Variants in KAT2A observed in about 807,000 individuals in gnomAD.
KAT2A encodes the protein lysine acetyltransferase 2A, also known as histone acetyltransferase KAT2A.
In KAT2A, 42 loss-of-function variants were observed where a neutral mutation model predicts 95.2. That is an observed-to-expected ratio of 0.44 (90% confidence interval 0.34 to 0.57). The LOEUF is 0.57. Among genes scored for constraint, KAT2A ranks in the 20% least tolerant of loss-of-function variants. KAT2A has a pLI of 0.01. For missense variants in KAT2A, 784 were observed against 1,126.3 expected (o/e 0.70, Z 4.35); for synonymous variants, 449 against 448.2 (o/e 1.00, Z -0.02).
rs2054333219 is a variant in KAT2A, at chr17:42,121,169, G to A, written c.136C>T (p.Pro46Ser). 6 of 1,419,788 alleles carry A rather than the reference G, an allele frequency of 4.2e-6. No individual in the cohort carries two copies. The highest frequency in any genetic ancestry group is 2.7e-5 in the South Asian group (2 of 73,026). The allele number at this position is 1,419,788 out of a possible 1,614,324, so 87.9% of individuals were successfully genotyped here. A position where few individuals can be genotyped will look rare whatever the true frequency, so the allele number is the denominator to read the frequency against. Residue 46 changes from proline to serine, a missense_variant, in exon 1 of 18, where the codon CCA becomes TCA. Physicochemically the swap from Pro to Ser is moderately conservative, Grantham distance 74 (BLOSUM62 -1). Around this residue, in one of 6 missense-constraint regions of KAT2A, gnomAD observed 142 missense variants for 123.2 expected, o/e 1.15. Coordinates refer to ENST00000225916, the MANE Select transcript of KAT2A (RefSeq NM_021078.3). ...SAPIPTPTPA[P>S]APAPAAAPAG... ...GGGGCTGCAGCTGGGGCAGGGGCTGGTGCCGGGGTGGGAGTCGGAATCGGG... is the reference window on the plus strand; with the variant it reads ...GGGGCTGCAGCTGGGGCAGGGGCTGATGCCGGGGTGGGAGTCGGAATCGGG...
At position 42,113,801 on chromosome 17, in the gene KAT2A, C is replaced by G. The variant is rs1555665224; in HGVS notation, c.2362G>C (p.Val788Leu). 6.2e-7 allele frequency: 1 copy of G among 1,603,300 alleles called. No individual in the cohort carries two copies. Among genetic ancestry groups the G allele is most frequent in the Non-Finnish European group, 8.5e-7 (1 of 1,176,482 alleles). ...MTERLRSRYY[V>L]TRKLFVADLQ... ...TCGGCCACAAAGAGCTTCCGGGTCA[C>G]GTAGTAGCGGCTTCGCAGCCGCTCA... Residue 788 changes from valine (V) to leucine (L), a missense_variant, in exon 18 of 18, where the codon GTG becomes CTG. By Grantham distance (32) the Val-to-Leu change is conservative. Coordinates refer to ENST00000225916, the MANE Select transcript of KAT2A (RefSeq NM_021078.3).
At position 42,114,336 on chromosome 17, in the gene KAT2A, A is replaced by G; in HGVS notation, c.2171+22T>C. On this transcript the variant is annotated intron_variant, in intron 15 of 17. Transcript: ENST00000225916. This position sits in a 1 kb window ranked among gnomAD's most constrained non-coding sequence, Gnocchi z 6.0. The stretch of plus-strand genomic sequence containing the variant: ...TCCAAGTCCCTCTGCCCCACCCCCA[A>G]CCCGGCTCCTTTGACACTCACCCCT... 6.2e-7 allele frequency: 1 copy of G among 1,613,480 alleles called. No homozygotes were observed. Among genetic ancestry groups the G allele is most frequent in the Non-Finnish European group, 8.5e-7 (1 of 1,179,796 alleles).
Position 42,120,089 on chromosome 17 carries a change from G to T in KAT2A, c.640C>A (p.Arg214=). 6.2e-7 allele frequency: 1 copy of T among 1,614,172 alleles called. No individual in the cohort carries two copies. The highest frequency in any genetic ancestry group is 8.5e-7 in the Non-Finnish European group (1 of 1,180,020). The change falls in exon 4 of 18, where the codon CGG becomes AGG. Residue 214 remains arginine, a synonymous_variant. Coordinates refer to ENST00000225916, the MANE Select transcript of KAT2A (RefSeq NM_021078.3). ...LLRKCILQMT[R]PVVEGSLGSP... is the part of the protein sequence containing the mutation. The stretch of plus-strand genomic sequence containing the variant: ...CCCAGGGACCCCTCCACCACAGGCC[G>T]GGTCATCTGCAGGATGCATTTCCGC...
In KAT2A at chr17:42,115,360, A is replaced by G. The variant is rs561894809; in HGVS notation, c.1876-325T>C. ...TTCCTCCAGCCTGCTCTTGGCCCCC[A>G]GTTCCTCCAGCTTGCTCTACTGGCC... On this transcript the variant is annotated intron_variant, in intron 12 of 17. Transcript: ENST00000225916. 1.1e-4 allele frequency among the ~76,000 whole-genome samples: 7 copies of G among 63,922 alleles called. No homozygotes were observed. In the South Asian group the frequency reaches 4.6e-3, roughly 42 times the overall value. 41.9% of individuals were successfully genotyped at this position (63,922 alleles called of 152,430 possible).
rs782740212 is a variant in KAT2A, at chr17:42,114,564, C to T, written c.2060G>A (p.Arg687His). ...GCAGCTGAGCCCCGGGTAGACCTTG[C>T]GGATCTGGGCCTGTTTGCGCTCAAT... ...KLIERKQAQI[R>H]KVYPGLSCFK... The change falls in exon 14 of 18, where the codon CGC becomes CAC. Residue 687 changes from arginine to histidine, a missense_variant. Around this residue, in one of 6 missense-constraint regions of KAT2A, gnomAD observed 195 missense variants for 247.1 expected, o/e 0.79. Coordinates refer to ENST00000225916, the MANE Select transcript of KAT2A (RefSeq NM_021078.3). The surrounding 1 kb of genome is among the most constrained non-coding windows in gnomAD (Gnocchi z 6.0). 7 of 1,613,896 alleles carry T rather than the reference C, an allele frequency of 4.3e-6. No homozygotes were observed. The highest frequency in any genetic ancestry group is 5.9e-6 in the Non-Finnish European group (7 of 1,179,990).
In KAT2A at chr17:42,113,509, C is replaced by G; in HGVS notation, c.*140G>C. On this transcript the variant is annotated 3_prime_UTR_variant, in exon 18 of 18. Transcript: ENST00000225916. ...GGGGTGCCTGAAGGTCCAGAAAGAGCTGCAGGATCGGGTCCGGAGGACCCT... is the reference window on the plus strand; with the variant it reads ...GGGGTGCCTGAAGGTCCAGAAAGAGGTGCAGGATCGGGTCCGGAGGACCCT... The G allele has an allele frequency of 1.4e-6, 1 of 719,986 alleles. No individual in the cohort carries two copies. The highest frequency in any genetic ancestry group is 2.2e-6 in the Non-Finnish European group (1 of 446,520). 44.6% of individuals were successfully genotyped at this position (719,986 alleles called of 1,614,324 possible).
chr17:42,121,313 C>G lies in KAT2A; in HGVS notation c.-9G>C. On this transcript the variant is annotated 5_prime_UTR_variant, in exon 1 of 18. Coordinates refer to ENST00000225916, the MANE Select transcript of KAT2A (RefSeq NM_021078.3). ...TGGGAAGGTTCCGCCATGGCCTCCCCCGCAGCGGAGAGCGGCGCCGCGCTC... is the reference window on the plus strand; with the variant it reads ...TGGGAAGGTTCCGCCATGGCCTCCCGCGCAGCGGAGAGCGGCGCCGCGCTC... 3 of 1,366,238 alleles carry G rather than the reference C, an allele frequency of 2.2e-6. No individual in the cohort carries two copies. The highest frequency in any genetic ancestry group is 3.6e-5 in the South Asian group (2 of 56,206). 84.6% of individuals were successfully genotyped at this position (1,366,238 alleles called of 1,614,324 possible).
In KAT2A at chr17:42,119,364, C is replaced by T; in HGVS notation, c.954G>A (p.Gly318=). 1 of 1,614,096 alleles carries T rather than the reference C, an allele frequency of 6.2e-7. No individual in the cohort carries two copies. Among genetic ancestry groups the T allele is most frequent in the Non-Finnish European group, 8.5e-7 (1 of 1,179,972 alleles). Residue 318 remains glycine, a synonymous_variant, in exon 6 of 18, where the codon GGG becomes GGA. Coordinates refer to ENST00000225916, the MANE Select transcript of KAT2A (RefSeq NM_021078.3). This position sits in a 1 kb window ranked among gnomAD's most constrained non-coding sequence, Gnocchi z 5.3. ...TGAAAATGGACCGGAGAAGGCTTCG[C>T]CCAAAGACATGAGTGGTTTCGTAGC... is the stretch of plus-strand genomic sequence containing the variant. ...LPRYETTHVF[G]RSLLRSIFTV...
intron 6 of KAT2A, 51 bp from the exon 7 acceptor site, chr17:42,118,454 C>A (rs372376664): frequency 7.5e-7 from 1 of 1,327,848 alleles, no homozygotes; most frequent in African/African-American, 1.4e-5. Flanking sequence ...AGGGTGCAGC[C>A]TGGGCCAGGC....
rs782421177 is a variant in KAT2A, at chr17:42,119,723, G to T, written c.700-5C>A. 3 of 1,595,326 alleles carry T rather than the reference G, an allele frequency of 1.9e-6. No homozygotes were observed. In the Admixed American group the frequency reaches 5.2e-5, roughly 28 times the overall value. On this transcript the variant is annotated splice_polypyrimidine_tract_variant and splice_region_variant and intron_variant, in intron 4 of 17. Coordinates refer to ENST00000225916, the MANE Select transcript of KAT2A (RefSeq NM_021078.3). This position sits in a 1 kb window ranked among gnomAD's most constrained non-coding sequence, Gnocchi z 5.3. The stretch of plus-strand genomic sequence containing the variant: ...CTGCACAAAGTTCAGCACACCCTGA[G>T]AAGGGGTGGGTGGGGGATAAAACCA...
intron 2 of KAT2A, 81 bp from the exon 3 acceptor site, chr17:42,120,451 G>C: frequency 6.9e-7 from 1 of 1,454,310 alleles, no homozygotes; most frequent in Non-Finnish European, 9.6e-7. Context: ...AGCCAAGCAA[G>C]ATACACACTC....
chr17:42,113,914 C>T, intron 17 of KAT2A, 72 bp from the exon 18 acceptor site: 1 of 1,482,230 alleles, frequency 6.7e-7, no homozygotes, highest in Non-Finnish European at 9.0e-7. Context: ...CCAGGGTGGG[C>T]CCCCTGGGGC....
rs1555665446 is a variant in KAT2A at position 42,114,193 on chromosome 17, C to G, written c.2235+26G>C. ...GGCCACAGCCATTGGTGCAGGGGCCCTGGAAAGGAAACCTGGTCTCCCCAC... is the reference window on the plus strand; with the variant it reads ...GGCCACAGCCATTGGTGCAGGGGCCGTGGAAAGGAAACCTGGTCTCCCCAC... On this transcript the variant is annotated intron_variant, in intron 16 of 17. Coordinates refer to ENST00000225916, the MANE Select transcript of KAT2A (RefSeq NM_021078.3). The surrounding 1 kb of genome is among the most constrained non-coding windows in gnomAD (Gnocchi z 6.0). 2 of 1,590,238 alleles carry G rather than the reference C, an allele frequency of 1.3e-6. No individual in the cohort carries two copies. The highest frequency in any genetic ancestry group is 3.7e-5 in the Admixed American group (2 of 54,688).
chr17:42,120,442 G>C, intron 2 of KAT2A, 72 bp from the exon 3 acceptor site: 1 of 1,507,936 alleles, frequency 6.6e-7, no homozygotes, highest in Non-Finnish European at 9.2e-7. Context: ...CCTCTTCACA[G>C]CCAAGCAAGA....
rs367546319 is a variant in KAT2A at position 42,114,808 on chromosome 17, C to T, written c.2019+84G>A. 259 of 1,430,322 alleles carry T rather than the reference C, an allele frequency of 1.8e-4. No homozygotes were observed. The African/African-American group carries it at 3.2e-3, about 18-fold the overall frequency. 88.6% of individuals were successfully genotyped at this position (1,430,322 alleles called of 1,614,324 possible). A position where few individuals can be genotyped will look rare whatever the true frequency, so the allele number is the denominator to read the frequency against. ...ACTCACACACATATATGCATGTAGA[C>T]GTAGAACAGGTCTACACACGTGTGC... On this transcript the variant is annotated intron_variant, in intron 13 of 17. Coordinates refer to ENST00000225916, the MANE Select transcript of KAT2A (RefSeq NM_021078.3). The surrounding 1 kb of genome is among the most constrained non-coding windows in gnomAD (Gnocchi z 6.0).
In KAT2A at chr17:42,118,035, C is replaced by A. The variant is rs35478347; in HGVS notation, c.1181-18G>T. ...GACTGAAGCTGAGGAGAGAGAGAGA[C>A]GTCAGGGATGGGGGGCTGAAGCTGA... On this transcript the variant is annotated intron_variant, in intron 7 of 17. Transcript: ENST00000225916. The A allele has an allele frequency of 0.18, 252,913 of 1,414,510 alleles. 32,657 individuals are homozygous for A. The highest frequency in any genetic ancestry group is 0.72 in the African/African-American group (47,344 of 65,664). 87.6% of individuals were successfully genotyped at this position (1,414,510 alleles called of 1,614,324 possible). A position where few individuals can be genotyped will look rare whatever the true frequency, so the allele number is the denominator to read the frequency against.
In KAT2A at chr17:42,119,159, A is replaced by T. The variant is rs1402759298; in HGVS notation, c.1073+86T>A. The T allele has an allele frequency of 4.6e-6, 7 of 1,524,236 alleles. No homozygotes were observed. In the African/African-American group the frequency reaches 5.5e-5, roughly 12 times the overall value. The allele number at this position is 1,524,236 out of a possible 1,614,324, so 94.4% of individuals were successfully genotyped here. A position where few individuals can be genotyped will look rare whatever the true frequency, so the allele number is the denominator to read the frequency against. On this transcript the variant is annotated intron_variant, in intron 6 of 17. Transcript: ENST00000225916. The surrounding 1 kb of genome is among the most constrained non-coding windows in gnomAD (Gnocchi z 5.3). ...GCCCATGGAGGGAGAGGAGGGACCAATCCAGGAAGCCTTCCTGGAAAAAAG... is the reference window on the plus strand; with the variant it reads ...GCCCATGGAGGGAGAGGAGGGACCATTCCAGGAAGCCTTCCTGGAAAAAAG...
chr17:42,114,882 T>C lies in KAT2A; in HGVS notation c.2019+10A>G, dbSNP rs947184950. On this transcript the variant is annotated intron_variant, in intron 13 of 17. Transcript: ENST00000225916. This position sits in a 1 kb window ranked among gnomAD's most constrained non-coding sequence, Gnocchi z 6.0. ...GAAAAATCCCACAGATGCGCATGTG[T>C]GCACACCACCTCTTTCTGCTTCTTG... The C allele has an allele frequency of 6.2e-7, 1 of 1,613,952 alleles. No homozygotes were observed. The highest frequency in any genetic ancestry group is 8.5e-7 in the Non-Finnish European group (1 of 1,179,916).
In KAT2A at chr17:42,121,110, T is replaced by A; in HGVS notation, c.195A>T (p.Val65=). 2.0e-6 allele frequency: 3 copies of A among 1,497,302 alleles called. No individual in the cohort carries two copies. The highest frequency in any genetic ancestry group is 2.3e-4 in the Middle Eastern group (1 of 4,298). The allele number at this position is 1,497,302 out of a possible 1,614,324, so 92.8% of individuals were successfully genotyped here. ...CCCCGCTCCCGGCCCCCCCACTTCC[T>A]ACCCCGGGCCCCCCAGTCCCTGTGC... ...AGSTGTGGPG[V]GSGGAGSGGD... Residue 65 remains valine, a synonymous_variant, in exon 1 of 18, where the codon GTA becomes GTT. Transcript: ENST00000225916.
Sources: gnomAD v4.1 joint callset for allele counts (sites outside exome capture counted in the v4.1 genomes callset) on GRCh38, gnomAD v4.1.1 for gene constraint, gnomAD v4.1.1 regional missense constraint, Gnocchi (gnomAD v3.1) non-coding constraint, MANE v1.5 for transcripts, NCBI Gene and HGNC (gene_info 2026-07-23, HGNC 2026-07-21) for gene names.